Variants in GALNTL6 observed in about 807,000 individuals in gnomAD.
GALNTL6 encodes the protein polypeptide N-acetylgalactosaminyltransferase-like 6.
GALNTL6 carries 46 observed loss-of-function variants against 73.7 expected under a neutral mutation model. The observed-to-expected ratio is 0.62, with a 90% CI of 0.49 to 0.80. The LOEUF is 0.80. Ranked by LOEUF, GALNTL6 falls within the 30% of genes least tolerant of loss-of-function variation. The pLI, the probability that GALNTL6 is intolerant of heterozygous loss-of-function variation, is 0.00. For synonymous variants in GALNTL6, 259 were observed against 263.7 expected, an observed-to-expected ratio of 0.98 and a Z score of 0.17; for missense variants, 604 against 755.0, an observed-to-expected ratio of 0.80 and a Z score of 2.34.
intron 5 of GALNTL6, among the ~76,000 whole-genome samples, chr4:172,792,810 G>C (rs1259740892): frequency 6.6e-6 from 1 of 150,646 alleles, no homozygotes; most frequent in Non-Finnish European, 1.5e-5. Flanking sequence ...ATTATTCCAT[G>C]CTTTTTTATT....
intron 2 of GALNTL6, among the ~76,000 whole-genome samples, chr4:172,065,322 G>C (rs1731326525): frequency 6.6e-6 from 1 of 152,106 alleles, no homozygotes; most frequent in Non-Finnish European, 1.5e-5. Context: ...GATCTGAAAG[G>C]AGGCGGAGCT....
intron 7 of GALNTL6, among the ~76,000 whole-genome samples, chr4:172,818,206 C>T (rs1741719136): frequency 6.6e-6 from 1 of 152,126 alleles, no homozygotes; most frequent in African/African-American, 2.4e-5. Flanking sequence ...GTACCCAGGC[C>T]CTAATACATG....
chr4:172,108,458 G>A (rs1014625583), intron 2 of GALNTL6, among the ~76,000 whole-genome samples: 4 of 152,180 alleles, frequency 2.6e-5, no homozygotes, highest in Non-Finnish European at 5.9e-5. Context: ...ACTGATGTCT[G>A]TAAGCCTAAA....
At chr4:172,605,244 G>T (rs1738209272) in intron 5 of GALNTL6, among the ~76,000 whole-genome samples, 1 of 152,062 alleles carries the variant, frequency 6.6e-6, no homozygotes. Flanking sequence ...CTAAAATATA[G>T]GAAAAGTATG....
chr4:171,952,584 C>T (rs1445920505), intron 2 of GALNTL6, among the ~76,000 whole-genome samples: 2 of 151,970 alleles, frequency 1.3e-5, no homozygotes, highest in East Asian at 3.9e-4. Context: ...TTAATAAATT[C>T]AAATTGAAGT....
At position 172,605,289 on chromosome 4, in the gene GALNTL6, A is replaced by G. The variant is rs367694018; in HGVS notation, c.554-204072A>G. Among the ~76,000 whole-genome samples the G allele has an allele frequency of 2.4e-4, 36 of 152,272 alleles. No homozygotes were observed. The South Asian group carries it at 7.5e-3, about 32-fold the overall frequency. On this transcript the variant is annotated intron_variant, in intron 5 of 12. Transcript: ENST00000506823. The stretch of plus-strand genomic sequence containing the variant: ...TCCCTCTACGATTTTCTATTCTTGT[A>G]TCTCCCTAAACCCACATCAATACCC...
At chr4:171,975,637 G>A (rs997426098) in intron 2 of GALNTL6, among the ~76,000 whole-genome samples, 1 of 151,994 alleles carries the variant, frequency 6.6e-6, no homozygotes, top group African/African-American at 2.4e-5. Context: ...AAAGGGCAAG[G>A]GCTAGACCTA....
chr4:172,890,826 G>A (rs1745991188), intron 8 of GALNTL6, among the ~76,000 whole-genome samples: 1 of 152,126 alleles, frequency 6.6e-6, no homozygotes, highest in Non-Finnish European at 1.5e-5. Flanking sequence ...GGCTGTCTGA[G>A]TCTTTTCATA....
At chr4:172,750,547 G>A (rs1375348009) in intron 5 of GALNTL6, among the ~76,000 whole-genome samples, 2 of 152,082 alleles carry the variant, frequency 1.3e-5, no homozygotes, top group South Asian at 2.1e-4. Context: ...ACTCCTCTAG[G>A]AAAATGCTCT....
intron 5 of GALNTL6, among the ~76,000 whole-genome samples, chr4:172,479,490 G>A (rs997397587): frequency 1.3e-5 from 2 of 152,212 alleles, no homozygotes; most frequent in African/African-American, 4.8e-5. Flanking sequence ...CTTGCAAACA[G>A]GAGCTAAGCT....
In GALNTL6 at chr4:172,458,933, T is replaced by C. The variant is rs181806252; in HGVS notation, c.553+110244T>C. 2.7e-3 allele frequency among the ~76,000 whole-genome samples: 408 copies of C among 152,208 alleles called. 2 individuals are homozygous for C. Among genetic ancestry groups the C allele is most frequent in the African/African-American group, 9.1e-3 (377 of 41,532 alleles). On this transcript the variant is annotated intron_variant, in intron 5 of 12. Coordinates refer to ENST00000506823, the MANE Select transcript of GALNTL6 (RefSeq NM_001034845.3). ...CAAAAAAGAAAATTTCAGGCCAATATCCTCGATGAATATCGATGTGAAAAT... is the reference window on the plus strand; with the variant it reads ...CAAAAAAGAAAATTTCAGGCCAATACCCTCGATGAATATCGATGTGAAAAT...
chr4:172,286,949 T>C (rs192163099), intron 3 of GALNTL6, among the ~76,000 whole-genome samples: 32 of 152,320 alleles, frequency 2.1e-4, no homozygotes, highest in African/African-American at 7.2e-4. Context: ...CAGACAACTC[T>C]AGATGCTCAA....
chr4:172,453,530 A>C (rs1034919392), intron 5 of GALNTL6, among the ~76,000 whole-genome samples: 2 of 152,216 alleles, frequency 1.3e-5, no homozygotes, highest in Non-Finnish European at 2.9e-5. Context: ...TTGTATTAAG[A>C]GGAAACAAAA....
At chr4:172,278,337 G>A (rs994585696) in intron 3 of GALNTL6, among the ~76,000 whole-genome samples, 8 of 152,036 alleles carry the variant, frequency 5.3e-5, no homozygotes, top group Non-Finnish European at 1.2e-4. Context: ...TGCATCTCTG[G>A]CTAAGTCTTC....
rs552096689 is a variant in GALNTL6, at chr4:172,977,659, G to T, written c.1371+25401G>T. Among the ~76,000 whole-genome samples, 34 of 152,308 alleles carry T rather than the reference G, an allele frequency of 2.2e-4. No homozygotes were observed. The South Asian group carries it at 7.1e-3, about 32-fold the overall frequency. On this transcript the variant is annotated intron_variant, in intron 10 of 12. Transcript: ENST00000506823. ...GCAGGCTGCTGGTAAGGATGAGACA[G>T]CAAAGACTGGCACTAGGGAGACTCT...
chr4:171,886,296 A>C (rs533440727), intron 2 of GALNTL6, among the ~76,000 whole-genome samples: 20 of 152,342 alleles, frequency 1.3e-4, no homozygotes, highest in Admixed American at 1.2e-3. Context: ...CCATTATATC[A>C]AAGTAACCAG....
intron 2 of GALNTL6, among the ~76,000 whole-genome samples, chr4:171,842,283 T>G (rs1735256491): frequency 6.6e-6 from 1 of 152,192 alleles, no homozygotes; most frequent in Non-Finnish European, 1.5e-5. Flanking sequence ...CTTAAAATTT[T>G]TAGTTGTTAC....
chr4:172,277,484 G>A (rs1579325237), intron 3 of GALNTL6, among the ~76,000 whole-genome samples: 1 of 152,162 alleles, frequency 6.6e-6, no homozygotes, highest in East Asian at 1.9e-4. Flanking sequence ...ACCAATAAAT[G>A]AAAAACAAAC....
intron 3 of GALNTL6, among the ~76,000 whole-genome samples, chr4:172,246,146 G>A (rs1467936167): frequency 6.6e-6 from 1 of 152,168 alleles, no homozygotes; most frequent in African/African-American, 2.4e-5. Context: ...ATACAATGGT[G>A]TACTGATGTG....
Sources: allele counts gnomAD v4.1 joint callset (sites outside exome capture counted in the v4.1 genomes callset), GRCh38; gene constraint gnomAD v4.1.1; transcripts MANE v1.5; gene names NCBI Gene and HGNC (gene_info 2026-07-23, HGNC 2026-07-21).